The following NPAS3 variants were observed in gnomAD, a reference collection of about 807,000 sequenced individuals.
NPAS3 encodes neuronal PAS domain protein 3.
A neutral mutation model predicts 73.1 loss-of-function variants in NPAS3; 14 were observed. The observed-to-expected ratio is 0.19, with a 90% CI of 0.13 to 0.30. The LOEUF (loss-of-function observed/expected upper bound fraction) is 0.30. Ranked by LOEUF, NPAS3 falls within the 10% of genes least tolerant of loss-of-function variation. NPAS3 has a pLI of 1.00. For synonymous variants in NPAS3, 620 were observed against 541.5 expected, an observed-to-expected ratio of 1.14 and a Z score of -2.01; for missense variants, 1,096 against 1,250.0, an observed-to-expected ratio of 0.88 and a Z score of 1.86.
chr14:33,147,730 A>AATATATATATATATATATATAT (rs10674790), intron 2 of NPAS3, among the ~76,000 whole-genome samples: 8 of 130,362 alleles, frequency 6.1e-5, no homozygotes, highest in African/African-American at 1.9e-4. Context: ...TAGAATAAAA[A>AATATATATATATATATATATAT]ATATATATAT....
chr14:33,594,484 T>C (rs2057171854), intron 5 of NPAS3, among the ~76,000 whole-genome samples: 1 of 152,316 alleles, frequency 6.6e-6, no homozygotes, highest in Middle Eastern at 3.4e-3. Context: ...AATTACCTTA[T>C]ATTCTCCAGA....
At chr14:33,139,946 T>TC (rs1480352649) in intron 2 of NPAS3, among the ~76,000 whole-genome samples, 1 of 151,770 alleles carries the variant, frequency 6.6e-6, no homozygotes, top group African/African-American at 2.4e-5. Context: ...CTGCATGATT[T>TC]TTTTTTTCAA....
chr14:33,021,243 A>G (rs1292951834), intron 1 of NPAS3, among the ~76,000 whole-genome samples: 1 of 152,212 alleles, frequency 6.6e-6, no homozygotes, highest in Non-Finnish European at 1.5e-5. Flanking sequence ...CGTGAAAATC[A>G]AAGCCAGTGC....
At position 33,684,112 on chromosome 14, in the gene NPAS3, GAAGA is replaced by G. The variant is rs576325342; in HGVS notation, c.733+7728_733+7731del. ...GAAGCCTAGGAACTAGATGGAAAAA[GAAGA>G]TAGATAGGTCCCTGGTAGGAATTGA... On this transcript the variant is annotated intron_variant, in intron 6 of 11. Coordinates refer to ENST00000356141, the Ensembl canonical transcript of NPAS3. Among the ~76,000 whole-genome samples, 77 of 152,176 alleles carry G rather than the reference GAAGA, an allele frequency of 5.1e-4. 1 individual carries two copies. Among genetic ancestry groups the G allele is most frequent in the African/African-American group, 1.4e-3 (59 of 41,520 alleles).
At chr14:33,148,459 T>C (rs1177087338) in intron 2 of NPAS3, among the ~76,000 whole-genome samples, 1 of 152,190 alleles carries the variant, frequency 6.6e-6, no homozygotes, top group East Asian at 1.9e-4. Context: ...CTAGTCAGAG[T>C]TGGGATGTGC....
chr14:33,778,703 G>C (rs772743832), intron 9 of NPAS3, 131 bp downstream of exon 9: 2 of 634,320 alleles, frequency 3.2e-6, no homozygotes, highest in East Asian at 2.8e-5. Flanking sequence ...TGTGCAGTGA[G>C]AAAAAGTGAG....
At chr14:33,268,812 T>C (rs2040939225) in intron 3 of NPAS3, among the ~76,000 whole-genome samples, 1 of 152,182 alleles carries the variant, frequency 6.6e-6, no homozygotes, top group Non-Finnish European at 1.5e-5. Flanking sequence ...TGAAGGACGA[T>C]GTTGATATTC....
chr14:33,607,866 C>G (rs1252795594), intron 5 of NPAS3, among the ~76,000 whole-genome samples: 1 of 152,096 alleles, frequency 6.6e-6, no homozygotes, highest in African/African-American at 2.4e-5. Context: ...GTGGCAGCTG[C>G]AAGAAGAGTG....
chr14:33,252,634 TTATC>T (rs1306664041), intron 3 of NPAS3, among the ~76,000 whole-genome samples: 6 of 143,992 alleles, frequency 4.2e-5, no homozygotes, highest in African/African-American at 1.0e-4. Flanking sequence ...CTGAAAATAG[TTATC>T]TATTTTTTTT....
At chr14:33,528,549 A>G (rs1157062472) in intron 4 of NPAS3, among the ~76,000 whole-genome samples, 1 of 151,096 alleles carries the variant, frequency 6.6e-6, no homozygotes, top group Non-Finnish European at 1.5e-5. Flanking sequence ...CAAGTGGAAA[A>G]CTCTCTTTTT....
At chr14:33,553,750 C>T (rs2055228054) in intron 4 of NPAS3, among the ~76,000 whole-genome samples, 1 of 152,098 alleles carries the variant, frequency 6.6e-6, no homozygotes, top group Non-Finnish European at 1.5e-5. Flanking sequence ...ATTCTTATTC[C>T]TGAAAATAAG....
intron 4 of NPAS3, among the ~76,000 whole-genome samples, chr14:33,534,649 A>G (rs2054182738): frequency 6.6e-6 from 1 of 152,196 alleles, no homozygotes; most frequent in Non-Finnish European, 1.5e-5. Flanking sequence ...TTTCTTCTTC[A>G]TACAACCTCC....
chr14:33,547,595 A>G (rs2054908220), intron 4 of NPAS3, among the ~76,000 whole-genome samples: 1 of 152,180 alleles, frequency 6.6e-6, no homozygotes, highest in South Asian at 2.1e-4. Flanking sequence ...CCCCTCTTTC[A>G]CTAAATGGAT....
chr14:33,789,291 G>A (rs2063275396), intron 9 of NPAS3, among the ~76,000 whole-genome samples: 1 of 152,160 alleles, frequency 6.6e-6, no homozygotes, highest in East Asian at 1.9e-4. Flanking sequence ...TAACTCTAAA[G>A]CTCCTATAAC....
intron 4 of NPAS3, among the ~76,000 whole-genome samples, chr14:33,446,467 GC>G (rs2049511064): frequency 1.3e-5 from 2 of 152,064 alleles, no homozygotes; most frequent in African/African-American, 4.8e-5. Flanking sequence ...GAGCCACCGC[GC>G]CCGGCCACTT....
At position 32,942,179 on chromosome 14, in the gene NPAS3, T is replaced by A. The variant is rs999200163; in HGVS notation, c.50+2813T>A. Among the ~76,000 whole-genome samples, 8 of 152,228 alleles carry A rather than the reference T, an allele frequency of 5.3e-5. 1 individual carries two copies. ...CCTCCTATTTATTTAAAAAAATGTT[T>A]TCAAAATCATTGATTTCACAGAGGC... On this transcript the variant is annotated intron_variant, in intron 1 of 11. Transcript: ENST00000356141.
At chr14:33,006,138 G>T (rs1175860951) in intron 1 of NPAS3, among the ~76,000 whole-genome samples, 1 of 152,118 alleles carries the variant, frequency 6.6e-6, no homozygotes, top group Non-Finnish European at 1.5e-5. Context: ...TTCCAACTCA[G>T]TGCTTCCCTG....
At chr14:33,729,424 A>G (rs1175376682) in intron 6 of NPAS3, among the ~76,000 whole-genome samples, 3 of 152,192 alleles carry the variant, frequency 2.0e-5, no homozygotes, top group Non-Finnish European at 4.4e-5. Context: ...TGACGGCTTT[A>G]AAAAAGCAAA....
chr14:33,700,780 G>A (rs2060503998), intron 6 of NPAS3, among the ~76,000 whole-genome samples: 1 of 152,192 alleles, frequency 6.6e-6, no homozygotes, highest in Non-Finnish European at 1.5e-5. Context: ...GTATTTTATT[G>A]AAATGGGGTT....
Sources: allele counts gnomAD v4.1 joint callset (sites outside exome capture counted in the v4.1 genomes callset), GRCh38; gene constraint gnomAD v4.1.1; transcripts MANE v1.5; gene names NCBI Gene and HGNC (gene_info 2026-07-23, HGNC 2026-07-21).